HEPH: variants seen among roughly 807,000 people sequenced by gnomAD.
The protein encoded by HEPH is hephaestin.
HEPH carries 69 observed loss-of-function variants against 80.8 expected under a neutral mutation model. The observed-to-expected ratio is 0.85, with a 90% CI of 0.70 to 1.04. The LOEUF (loss-of-function observed/expected upper bound fraction) is 1.04, where lower values mean the gene tolerates loss of function less well. Ranked by LOEUF, HEPH falls within the 50% of genes least tolerant of loss-of-function variation. HEPH has a pLI of 0.00. For synonymous variants in HEPH, 431 were observed against 322.8 expected, an observed-to-expected ratio of 1.34 and a Z score of -3.60; for missense variants, 1,115 against 891.3, an observed-to-expected ratio of 1.25 and a Z score of -3.20.
intron 15 of HEPH, among the ~76,000 whole-genome samples, chrX:66,224,433 C>T (rs765961285): frequency 1.8e-5 from 2 of 111,429 alleles, no homozygotes; most frequent in African/African-American, 6.5e-5. Context: ...ATTTAGTTCC[C>T]CTGTTAGGAA....
intron 11 of HEPH, among the ~76,000 whole-genome samples, chrX:66,200,241 GGTGTGTGTGTGT>G (rs57136656): frequency 2.2e-5 from 2 of 91,228 alleles, no homozygotes; most frequent in East Asian, 6.4e-4. Context: ...AGGAGAGATT[GGTGTGTGTGTGT>G]GTGTGTGTGT....
intron 17 of HEPH, among the ~76,000 whole-genome samples, chrX:66,257,956 G>A (rs1418743347): frequency 8.9e-6 from 1 of 111,944 alleles, no homozygotes; most frequent in African/African-American, 3.2e-5. Flanking sequence ...GGCCTGGGAA[G>A]AGACCCATGC....
chrX:66,170,847 G>C (rs987084766), intron 2 of HEPH, 110 bp downstream of exon 2: 3 of 642,111 alleles, frequency 4.7e-6, no homozygotes, highest in East Asian at 3.6e-5. Flanking sequence ...GCCAGCTCCT[G>C]ATTGCTCCGA....
chrX:66,252,045 G>A (rs980592787), intron 15 of HEPH, among the ~76,000 whole-genome samples: 1 of 111,826 alleles, frequency 8.9e-6, no homozygotes. Context: ...GAAGATAATA[G>A]CGCAGACTAT....
intron 19 of HEPH, among the ~76,000 whole-genome samples, chrX:66,260,487 C>T (rs2091326694): frequency 9.0e-6 from 1 of 111,362 alleles, no homozygotes; most frequent in Admixed American, 9.6e-5. Context: ...TCCCCTGACA[C>T]CTGTCCCTCT....
At chrX:66,174,334 G>A (rs779689885) in intron 4 of HEPH, among the ~76,000 whole-genome samples, 2 of 111,668 alleles carry the variant, frequency 1.8e-5, no homozygotes, top group East Asian at 2.8e-4. Context: ...TGCAGATGCC[G>A]TTAATTCATT....
At position 66,197,856 on chromosome X, in the gene HEPH, G is replaced by A. The variant is rs1449346234; in HGVS notation, c.1675G>A (p.Val559Met). Residue 559 changes from valine (V) to methionine (M), a missense_variant, in exon 10 of 21, where the codon GTG becomes ATG. Transcript: ENST00000343002. ...TNSGLVGPLLVCRAGALGADG... is the reference protein window; with the variant it reads ...TNSGLVGPLLMCRAGALGADG... ...TTCTGGCCTGGTGGGCCCGCTGCTG[G>A]TGTGCAGGGCTGGTGCCTTGGGTGC... The A allele has an allele frequency of 1.7e-6, 2 of 1,205,501 alleles. No homozygotes were observed. Among genetic ancestry groups the A allele is most frequent in the Admixed American group, 2.2e-5 (1 of 45,411 alleles).
intron 20 of HEPH, 52 bp downstream of exon 20, chrX:66,263,740 T>G: frequency 9.0e-7 from 1 of 1,113,036 alleles, no homozygotes; most frequent in Admixed American, 2.2e-5. Context: ...TGTCTGTGTA[T>G]GAGGTTGGGT....
intron 9 of HEPH, among the ~76,000 whole-genome samples, chrX:66,197,220 T>C (rs948766939): frequency 9.1e-6 from 1 of 110,025 alleles, no homozygotes; most frequent in African/African-American, 3.3e-5. Flanking sequence ...ACATAACATA[T>C]ACACACCCAC....
chrX:66,220,253 A>G (rs2089584944), intron 15 of HEPH, among the ~76,000 whole-genome samples: 1 of 111,507 alleles, frequency 9.0e-6, no homozygotes, highest in African/African-American at 3.3e-5. Context: ...AATTGCAAAA[A>G]CAAATTTCTT....
chrX:66,162,970 G>T (rs987084126), upstream of HEPH: 1 of 842,179 alleles, frequency 1.2e-6, no homozygotes, highest in Non-Finnish European at 1.6e-6. Flanking sequence ...GAGAGGCATA[G>T]TATTCTCAGA....
chrX:66,258,870 G>A lies in HEPH; in HGVS notation c.2927G>A (p.Arg976Lys). ...AATGGGAAACTCTATGCCAACCTTAGGGGTCTTACCATGTACCAAGGAGAA... is the reference window on the plus strand; with the variant it reads ...AATGGGAAACTCTATGCCAACCTTAAGGGTCTTACCATGTACCAAGGAGAA... Reference protein sequence around the residue: ...AINGKLYANLRGLTMYQGERV... With the variant: ...AINGKLYANLKGLTMYQGERV... The change falls in exon 18 of 21, where the codon AGG becomes AAG. Residue 976 changes from arginine to lysine, a missense_variant. Coordinates refer to ENST00000343002, the MANE Select transcript of HEPH (RefSeq NM_001367233.3). 8.5e-7 allele frequency: 1 copy of A among 1,181,545 alleles called. No individual in the cohort carries two copies. Among genetic ancestry groups the A allele is most frequent in the Non-Finnish European group, 1.1e-6 (1 of 881,202 alleles).
At chrX:66,213,996 T>C (rs770632481) in intron 15 of HEPH, among the ~76,000 whole-genome samples, 1 of 112,440 alleles carries the variant, frequency 8.9e-6, no homozygotes, top group East Asian at 2.8e-4. Context: ...GATTACAGTT[T>C]CTTTTATCTC....
chrX:66,168,397 T>A (rs767499988), intron 1 of HEPH, among the ~76,000 whole-genome samples: 1 of 112,108 alleles, frequency 8.9e-6, no homozygotes, highest in Non-Finnish European at 1.9e-5. Context: ...TTCTGATTTA[T>A]TTCTCCAGGG....
chrX:66,228,754 G>A, intron 15 of HEPH, among the ~76,000 whole-genome samples: 1 of 111,855 alleles, frequency 8.9e-6, no homozygotes, highest in Non-Finnish European at 1.9e-5. Flanking sequence ...TATACAAATG[G>A]CCAAAAACAT....
At chrX:66,171,655 A>C (rs1433198525) in intron 2 of HEPH, among the ~76,000 whole-genome samples, 1 of 112,121 alleles carries the variant, frequency 8.9e-6, no homozygotes, top group Non-Finnish European at 1.9e-5. Context: ...CAAAATATTC[A>C]TCTAGTTTCA....
intron 15 of HEPH, among the ~76,000 whole-genome samples, chrX:66,220,660 C>A (rs1328131077): frequency 8.9e-6 from 1 of 112,161 alleles, no homozygotes; most frequent in Non-Finnish European, 1.9e-5. Flanking sequence ...AGAACCACAT[C>A]TTATTCCTAA....
intron 15 of HEPH, among the ~76,000 whole-genome samples, chrX:66,239,934 T>A (rs187050022): frequency 7.1e-4 from 79 of 111,666 alleles, no homozygotes; most frequent in African/African-American, 2.5e-3. Context: ...ATTTTCTACG[T>A]TTCTAAGCTT....
At chrX:66,229,925 CT>C (rs1225563705) in intron 15 of HEPH, among the ~76,000 whole-genome samples, 1 of 73,436 alleles carries the variant, frequency 1.4e-5, no homozygotes, top group Non-Finnish European at 2.5e-5. Flanking sequence ...TCCCTCCCCC[CT>C]CCCCCCACCC....
Sources: allele counts gnomAD v4.1 joint callset (sites outside exome capture counted in the v4.1 genomes callset), GRCh38; gene constraint gnomAD v4.1.1; transcripts MANE v1.5; gene names NCBI Gene and HGNC (gene_info 2026-07-23, HGNC 2026-07-21).